AFF1: variants seen among roughly 807,000 people sequenced by gnomAD.
AFF1 encodes the protein ALF transcription elongation factor 1, also known as AF4/FMR2 family member 1.
Under a neutral mutation model 121.7 loss-of-function variants are expected in AFF1, and 48 were observed. That is an observed-to-expected ratio of 0.39 (90% confidence interval 0.31 to 0.50). The LOEUF (loss-of-function observed/expected upper bound fraction) is 0.50. AFF1 is among the 20% of genes least tolerant of loss of function. The pLI is 0.76. For synonymous variants in AFF1, 613 were observed against 563.0 expected (o/e 1.09, Z -1.26); for missense variants, 1,523 against 1,511.7 (o/e 1.01, Z -0.12).
chr4:87,081,581 T>C (rs1481175906), intron 4 of AFF1, among the ~76,000 whole-genome samples: 1 of 152,224 alleles, frequency 6.6e-6, no homozygotes, highest in Non-Finnish European at 1.5e-5. Context: ...GTAAAGGCAG[T>C]TAGCTAGATG....
At chr4:87,050,101 T>C (rs574728196) in intron 4 of AFF1, among the ~76,000 whole-genome samples, 1 of 152,268 alleles carries the variant, frequency 6.6e-6, no homozygotes, top group Admixed American at 6.5e-5. Flanking sequence ...TGTAGAGATG[T>C]AGGACCAAAA....
intron 1 of AFF1, among the ~76,000 whole-genome samples, chr4:86,946,249 C>G (rs535420984): frequency 2.0e-5 from 3 of 152,334 alleles, no homozygotes; most frequent in East Asian, 3.9e-4. Context: ...CTTGATTCCT[C>G]TCTGCACTCC....
At chr4:86,999,659 A>G (rs1001225872) in intron 2 of AFF1, among the ~76,000 whole-genome samples, 4 of 152,204 alleles carry the variant, frequency 2.6e-5, no homozygotes, top group African/African-American at 7.2e-5. Context: ...CAGCATTTAG[A>G]TTGAGAAGAG....
At chr4:86,979,410 C>G (rs964564053) in intron 2 of AFF1, among the ~76,000 whole-genome samples, 2 of 152,112 alleles carry the variant, frequency 1.3e-5, no homozygotes, top group Non-Finnish European at 2.9e-5. Flanking sequence ...CCCTGCTTCT[C>G]TTAACACACT....
At chr4:87,010,804 T>A (rs2149535885) in intron 2 of AFF1, among the ~76,000 whole-genome samples, 1 of 152,210 alleles carries the variant, frequency 6.6e-6, no homozygotes, top group South Asian at 2.1e-4. Flanking sequence ...AAAAATCACC[T>A]GGGCCGGGTG....
intron 2 of AFF1, among the ~76,000 whole-genome samples, chr4:86,963,648 G>T (rs927267923): frequency 1.3e-5 from 2 of 152,082 alleles, no homozygotes; most frequent in South Asian, 2.1e-4. Context: ...AGTTTAAAGG[G>T]GTTAAGTGGT....
At chr4:87,016,847 C>T (rs1265837466) in intron 2 of AFF1, among the ~76,000 whole-genome samples, 2 of 152,076 alleles carry the variant, frequency 1.3e-5, no homozygotes, top group Admixed American at 1.3e-4. Context: ...TCTTTACTTG[C>T]ATATGTATAT....
chr4:87,032,667 T>C (rs967762278), intron 2 of AFF1, among the ~76,000 whole-genome samples: 2 of 152,204 alleles, frequency 1.3e-5, no homozygotes, highest in Non-Finnish European at 2.9e-5. Flanking sequence ...AAAATGTAAT[T>C]GACAGTGGTT....
At chr4:87,115,439 C>T in intron 12 of AFF1, 140 bp downstream of exon 12, 1 of 888,996 alleles carries the variant, frequency 1.1e-6, no homozygotes, top group Admixed American at 2.9e-5. Flanking sequence ...GCCTTTGCAT[C>T]TTCTTCCAGC....
chr4:86,999,229 T>A (rs1725497471), intron 2 of AFF1, among the ~76,000 whole-genome samples: 1 of 152,226 alleles, frequency 6.6e-6, no homozygotes. Flanking sequence ...TTTAGTTTTG[T>A]GTTAGCCAAG....
chr4:86,978,176 A>ATTTT (rs1723449569), intron 2 of AFF1, among the ~76,000 whole-genome samples: 5 of 22,650 alleles, frequency 2.2e-4, no homozygotes, highest in South Asian at 1.6e-3. Context: ...CATTACATTC[A>ATTTT]CTTTTTTTTT....
In AFF1 at chr4:87,140,341, G is replaced by T. The variant is rs750293168; in HGVS notation, c.*4640G>T. 1 of 198,726 alleles carries T rather than the reference G, an allele frequency of 5.0e-6. No individual in the cohort carries two copies. The highest frequency in any genetic ancestry group is 1.0e-5 in the Non-Finnish European group (1 of 95,778). The allele number at this position is 198,726 out of a possible 1,614,324, so 12.3% of individuals were successfully genotyped here. On this transcript the variant is annotated 3_prime_UTR_variant, in exon 21 of 21. Coordinates refer to ENST00000395146, the MANE Select transcript of AFF1 (RefSeq NM_001166693.3). ...ATCAAGTATACACTGTTCATGTTGG[G>T]GTTGTGTGTGTGTATGTGTGTATGT...
intron 2 of AFF1, among the ~76,000 whole-genome samples, chr4:86,982,035 C>T (rs989773670): frequency 1.2e-4 from 19 of 152,164 alleles, no homozygotes; most frequent in African/African-American, 4.3e-4. Flanking sequence ...AGTGACAGCA[C>T]TGAAGTGAGA....
At chr4:87,051,500 C>T (rs982136534) in intron 4 of AFF1, among the ~76,000 whole-genome samples, 12 of 150,858 alleles carry the variant, frequency 8.0e-5, no homozygotes, top group African/African-American at 1.7e-4. Flanking sequence ...CTTGCTCTGT[C>T]GCCAGGCTGG....
intron 16 of AFF1, among the ~76,000 whole-genome samples, chr4:87,129,732 A>G (rs1004681781): frequency 4.7e-4 from 72 of 152,364 alleles, no homozygotes; most frequent in African/African-American, 1.7e-3. Context: ...TGAAATATAC[A>G]TGTATACTAC....
intron 8 of AFF1, among the ~76,000 whole-genome samples, 185 bp downstream of exon 8, chr4:87,095,154 T>C (rs1177184046): frequency 1.3e-5 from 2 of 152,236 alleles, no homozygotes; most frequent in Admixed American, 6.5e-5. Context: ...GTCTTAACTC[T>C]GTTGCCCAGG....
intron 2 of AFF1, among the ~76,000 whole-genome samples, chr4:86,960,718 GCCTA>G (rs1193965498): frequency 6.6e-6 from 1 of 152,064 alleles, no homozygotes; most frequent in African/African-American, 2.4e-5. Flanking sequence ...TGCAGTTAAG[GCCTA>G]CCTTCAGTAA....
In AFF1 at chr4:87,047,393, C is replaced by T. The variant is rs1334415913; in HGVS notation, c.858C>T (p.Leu286=). The change falls in exon 4 of 21, where the codon CTC becomes CTT. Residue 286 remains leucine, a synonymous_variant. Transcript: ENST00000395146. ...CTCAGACATTTCCACCTCCCTCCCTCCCCTCAAAAAGTGTTGCAATGCAGC... is the reference window on the plus strand; with the variant it reads ...CTCAGACATTTCCACCTCCCTCCCTTCCCTCAAAAAGTGTTGCAATGCAGC... ...PPSQTFPPPS[L]PSKSVAMQQK... is the part of the protein sequence containing the mutation. 20 of 1,614,194 alleles carry T rather than the reference C, an allele frequency of 1.2e-5. No individual in the cohort carries two copies. Among genetic ancestry groups the T allele is most frequent in the Non-Finnish European group, 1.6e-5 (19 of 1,180,036 alleles).
intron 2 of AFF1, among the ~76,000 whole-genome samples, chr4:87,037,614 T>C (rs185112013): frequency 2.6e-5 from 4 of 152,164 alleles, no homozygotes; most frequent in Admixed American, 2.6e-4. Context: ...CTCTCGGCCC[T>C]GCTTGGTAGG....
Sources: gnomAD v4.1 joint callset for allele counts (sites outside exome capture counted in the v4.1 genomes callset) on GRCh38, gnomAD v4.1.1 for gene constraint, MANE v1.5 for transcripts, NCBI Gene and HGNC (gene_info 2026-07-23, HGNC 2026-07-21) for gene names.